The following LDLRAD3 variants were observed in gnomAD, a reference collection of about 807,000 sequenced individuals.
LDLRAD3 encodes the protein low density lipoprotein receptor class A domain containing 3.
Under a neutral mutation model 29.4 loss-of-function variants are expected in LDLRAD3, and 20 were observed. That is an observed-to-expected ratio of 0.68 (90% CI 0.48 to 0.99). The LOEUF (loss-of-function observed/expected upper bound fraction) is 0.99, where lower values mean the gene tolerates loss of function less well. Ranked by LOEUF, LDLRAD3 falls within the 50% of genes least tolerant of loss-of-function variation. The pLI, the probability that LDLRAD3 is intolerant of heterozygous loss-of-function variation, is 0.00. For synonymous variants in LDLRAD3, 157 were observed against 192.7 expected (o/e 0.81, Z 1.53); for missense variants, 420 against 454.3 (o/e 0.92, Z 0.69).
chr11:35,995,070 G>A (rs777116036), intron 1 of LDLRAD3, among the ~76,000 whole-genome samples: 7 of 152,122 alleles, frequency 4.6e-5, no homozygotes, highest in Non-Finnish European at 5.9e-5. Context: ...GACCTCCCAC[G>A]AATCACAGAT....
chr11:36,060,687 A>G (rs1201351427), intron 2 of LDLRAD3, among the ~76,000 whole-genome samples: 1 of 152,178 alleles, frequency 6.6e-6, no homozygotes, highest in East Asian at 1.9e-4. Flanking sequence ...TAAAGAGTTC[A>G]CTTCTAATGT....
chr11:36,196,224 T>A (rs924270997), intron 4 of LDLRAD3: 1 of 152,198 alleles, frequency 6.6e-6, no homozygotes, highest in Non-Finnish European at 1.5e-5. Context: ...AGAAAATGTG[T>A]TCTTTTCTTA....
chr11:36,026,598 T>C (rs1456434175), intron 1 of LDLRAD3, among the ~76,000 whole-genome samples: 4 of 152,212 alleles, frequency 2.6e-5, no homozygotes, highest in Admixed American at 1.3e-4. Context: ...CATAAAGACC[T>C]GCTGATACAA....
chr11:36,159,417 C>T (rs557019179), intron 4 of LDLRAD3, among the ~76,000 whole-genome samples: 91 of 151,464 alleles, frequency 6.0e-4, no homozygotes, highest in Non-Finnish European at 1.0e-3. Flanking sequence ...TGCGGTGAGC[C>T]GTGAGCACGC....
At chr11:35,972,512 C>G (rs1348236611) in intron 1 of LDLRAD3, 4 of 152,024 alleles carry the variant, frequency 2.6e-5, no homozygotes, top group African/African-American at 9.7e-5. Context: ...GCACAGTTTA[C>G]TGGTTACCCA....
intron 4 of LDLRAD3, among the ~76,000 whole-genome samples, chr11:36,219,270 G>A (rs1191356561): frequency 6.6e-6 from 1 of 152,090 alleles, no homozygotes; most frequent in Non-Finnish European, 1.5e-5. Context: ...GGGAGAGGAG[G>A]GGACATTTTG....
At chr11:36,006,257 TA>T (rs1392736834) in intron 1 of LDLRAD3, among the ~76,000 whole-genome samples, 1 of 152,126 alleles carries the variant, frequency 6.6e-6, no homozygotes. Flanking sequence ...ATTCACAGAT[TA>T]GGGGAAAAGC....
At chr11:36,037,541 C>T (rs933336942) in intron 2 of LDLRAD3, among the ~76,000 whole-genome samples, 7 of 152,182 alleles carry the variant, frequency 4.6e-5, no homozygotes, top group Non-Finnish European at 8.8e-5. Flanking sequence ...TCTCAAACTA[C>T]TGACCTCATG....
At chr11:36,022,734 G>A (rs1394099964) in intron 1 of LDLRAD3, among the ~76,000 whole-genome samples, 3 of 152,124 alleles carry the variant, frequency 2.0e-5, no homozygotes, top group Non-Finnish European at 4.4e-5. Flanking sequence ...AACTTGCTTC[G>A]TTTTCTGGAA....
At chr11:36,201,620 C>T (rs1055485548) in intron 4 of LDLRAD3, among the ~76,000 whole-genome samples, 1 of 152,162 alleles carries the variant, frequency 6.6e-6, no homozygotes, top group African/African-American at 2.4e-5. Context: ...TTTTTCACTT[C>T]CATAATTACA....
At chr11:36,225,445 G>A (rs1318498567) in intron 4 of LDLRAD3, among the ~76,000 whole-genome samples, 2 of 152,192 alleles carry the variant, frequency 1.3e-5, no homozygotes, top group African/African-American at 2.4e-5. Context: ...GGTGCTTGAA[G>A]TATGGCTCCT....
intron 4 of LDLRAD3, among the ~76,000 whole-genome samples, chr11:36,177,460 G>GA (rs1036505712): frequency 6.6e-6 from 1 of 152,200 alleles, no homozygotes. Flanking sequence ...TCAGAGGAAG[G>GA]ATTGGGGGTT....
intron 4 of LDLRAD3, among the ~76,000 whole-genome samples, chr11:36,121,690 T>C (rs10742363): frequency 0.67 from 101,514 of 152,160 alleles, 35,046 homozygotes; most frequent in East Asian, 0.79. Context: ...AATAAGAGCT[T>C]GATGAGCTAT....
chr11:36,132,594 A>G (rs367812232), intron 4 of LDLRAD3, among the ~76,000 whole-genome samples: 51 of 152,352 alleles, frequency 3.3e-4, no homozygotes, highest in African/African-American at 1.2e-3. Flanking sequence ...GCCACAGTAA[A>G]TATTTTGTGA....
intron 1 of LDLRAD3, among the ~76,000 whole-genome samples, chr11:35,955,154 A>G (rs1307781576): frequency 6.6e-6 from 1 of 152,246 alleles, no homozygotes; most frequent in Non-Finnish European, 1.5e-5. Flanking sequence ...CCGAGGCACG[A>G]GAATCGCTTG....
intron 1 of LDLRAD3, among the ~76,000 whole-genome samples, chr11:35,948,900 A>G (rs1851094784): frequency 6.6e-6 from 1 of 152,194 alleles, no homozygotes; most frequent in Non-Finnish European, 1.5e-5. Context: ...CTTCACCCAC[A>G]GCGGTGACAG....
At chr11:35,971,146 G>T (rs1851406416) in intron 1 of LDLRAD3, among the ~76,000 whole-genome samples, 1 of 152,174 alleles carries the variant, frequency 6.6e-6, no homozygotes, top group African/African-American at 2.4e-5. Flanking sequence ...CTCTAATTCT[G>T]CCTGTACCCT....
chr11:35,996,579 C>T (rs1213078486), intron 1 of LDLRAD3, among the ~76,000 whole-genome samples: 8 of 152,110 alleles, frequency 5.3e-5, no homozygotes, highest in Admixed American at 5.2e-4. Flanking sequence ...TGCCATAGAC[C>T]TTCAGTTTGT....
chr11:36,126,395 A>G (rs1156251053), intron 4 of LDLRAD3, among the ~76,000 whole-genome samples: 1 of 151,682 alleles, frequency 6.6e-6, no homozygotes, highest in African/African-American at 2.4e-5. Context: ...CACTGTAATC[A>G]CTCCTAATGT....
Sources: allele counts gnomAD v4.1 joint callset (sites outside exome capture counted in the v4.1 genomes callset), GRCh38; gene constraint gnomAD v4.1.1; transcripts MANE v1.5; gene names NCBI Gene and HGNC (gene_info 2026-07-23, HGNC 2026-07-21).